The following GNAQ variants were observed in gnomAD, a reference collection of about 807,000 sequenced individuals.
GNAQ encodes the protein G protein subunit alpha q.
GNAQ carries 8 observed loss-of-function variants against 43.9 expected under a neutral mutation model. The ratio of observed to expected loss-of-function variants is 0.18; its 90% CI spans 0.11 to 0.33. The LOEUF (loss-of-function observed/expected upper bound fraction) is 0.33, where lower values mean the gene tolerates loss of function less well. Ranked by LOEUF, GNAQ falls within the 10% of genes least tolerant of loss-of-function variation. The pLI is 1.00. For missense variants in GNAQ, 158 were observed against 450.8 expected (o/e 0.35, Z 5.88); for synonymous variants, 155 against 170.7 (o/e 0.91, Z 0.71).
intron 2 of GNAQ, among the ~76,000 whole-genome samples, chr9:77,894,623 A>G (rs1274887814): frequency 6.6e-6 from 1 of 150,678 alleles, no homozygotes; most frequent in Non-Finnish European, 1.5e-5. Flanking sequence ...AGGTTTCACC[A>G]TGTTGACCAG....
intron 5 of GNAQ, among the ~76,000 whole-genome samples, chr9:77,779,662 G>A (rs1358616124): frequency 3.8e-5 from 4 of 104,994 alleles, no homozygotes; most frequent in Non-Finnish European, 5.7e-5. Flanking sequence ...CTTTAGCCAG[G>A]TTAACTAAAA....
intron 1 of GNAQ, among the ~76,000 whole-genome samples, chr9:77,993,469 C>G (rs1343922199): frequency 6.6e-6 from 1 of 151,962 alleles, no homozygotes; most frequent in Non-Finnish European, 1.5e-5. Flanking sequence ...GAGGCTGAGG[C>G]GGGCAGATCA....
At chr9:77,871,765 ATTG>A (rs1828041994) in intron 2 of GNAQ, among the ~76,000 whole-genome samples, 2 of 152,178 alleles carry the variant, frequency 1.3e-5, no homozygotes, top group African/African-American at 4.8e-5. Context: ...CTATAATAGA[ATTG>A]CAGAATTTTA....
intron 2 of GNAQ, among the ~76,000 whole-genome samples, chr9:77,833,919 G>C (rs1051485397): frequency 6.6e-6 from 1 of 152,126 alleles, no homozygotes; most frequent in African/African-American, 2.4e-5. Flanking sequence ...GGCAAAGACA[G>C]TTTCCAAAAT....
At chr9:78,023,866 A>G (rs1256980047) in intron 1 of GNAQ, among the ~76,000 whole-genome samples, 2 of 141,416 alleles carry the variant, frequency 1.4e-5, no homozygotes, top group Non-Finnish European at 3.2e-5. Flanking sequence ...ACAGAGCCAA[A>G]AAGTCTGGCT....
intron 1 of GNAQ, among the ~76,000 whole-genome samples, chr9:77,924,867 C>T (rs1161944602): frequency 6.6e-6 from 1 of 152,034 alleles, no homozygotes; most frequent in Non-Finnish European, 1.5e-5. Flanking sequence ...TTGCTGGGTA[C>T]CCCCAGGAGG....
rs540008748 is a variant in GNAQ at position 78,015,818 on chromosome 9, G to A, written c.136+15282C>T. Among the ~76,000 whole-genome samples, 21 of 152,108 alleles carry A rather than the reference G, an allele frequency of 1.4e-4. No homozygotes were observed. In the South Asian group the frequency reaches 4.4e-3, roughly 32 times the overall value. On this transcript the variant is annotated intron_variant, in intron 1 of 6. Transcript: ENST00000286548. Reference sequence around the variant, plus strand: ...AGAATATCTGTAAAAGGATAAGAATGCTACATAGGGACATGTAATAAAATG... The same window carrying A: ...AGAATATCTGTAAAAGGATAAGAATACTACATAGGGACATGTAATAAAATG...
chr9:78,006,994 G>C (rs999418056), intron 1 of GNAQ, among the ~76,000 whole-genome samples: 2 of 152,134 alleles, frequency 1.3e-5, no homozygotes. Flanking sequence ...CTTCACCAGA[G>C]TACTTAGCCA....
chr9:77,995,969 A>G (rs540714438), intron 1 of GNAQ, among the ~76,000 whole-genome samples: 25 of 152,336 alleles, frequency 1.6e-4, no homozygotes, highest in African/African-American at 5.3e-4. Flanking sequence ...CATACATTCT[A>G]TTTGCACACA....
At chr9:77,997,244 T>A (rs11145647) in intron 1 of GNAQ, among the ~76,000 whole-genome samples, 1 of 152,206 alleles carries the variant, frequency 6.6e-6, no homozygotes, top group Non-Finnish European at 1.5e-5. Context: ...GTAACTTCTA[T>A]GAGTATTCTC....
rs558422625 is a variant in GNAQ at position 77,996,521 on chromosome 9, T to C, written c.136+34579A>G. ...GGTGAAACCCTATCCCTACAAAAAATACAGAAGTTAGCCAGGCATGGTGGC... is the reference window on the plus strand; with the variant it reads ...GGTGAAACCCTATCCCTACAAAAAACACAGAAGTTAGCCAGGCATGGTGGC... On this transcript the variant is annotated intron_variant, in intron 1 of 6. Transcript: ENST00000286548. Among the ~76,000 whole-genome samples the C allele has an allele frequency of 6.6e-5, 10 of 151,652 alleles. No homozygotes were observed. In the South Asian group the frequency reaches 1.7e-3, roughly 25 times the overall value.
At chr9:77,801,614 T>A (rs990273981) in intron 3 of GNAQ, among the ~76,000 whole-genome samples, 1 of 152,160 alleles carries the variant, frequency 6.6e-6, no homozygotes, top group African/African-American at 2.4e-5. Flanking sequence ...TCACTTTGCT[T>A]GGGGTGAAAG....
intron 1 of GNAQ, among the ~76,000 whole-genome samples, chr9:77,930,375 G>GT (rs1011494845): frequency 6.6e-6 from 1 of 151,802 alleles, no homozygotes; most frequent in Non-Finnish European, 1.5e-5. Flanking sequence ...TTTCCTACTC[G>GT]TTTTTTAAAA....
intron 2 of GNAQ, among the ~76,000 whole-genome samples, chr9:77,826,254 A>G (rs1827195069): frequency 6.6e-6 from 1 of 152,084 alleles, no homozygotes; most frequent in Non-Finnish European, 1.5e-5. Flanking sequence ...TACCTGCCTG[A>G]CCCTGAAATA....
At position 77,966,164 on chromosome 9, in the gene GNAQ, G is replaced by C. The variant is rs184386177; in HGVS notation, c.137-43819C>G. ...CAGGAATCAGATCAGTGTTTGGAGG[G>C]GGAGATAGGTGGGAGGGAGGATAAA... is the stretch of plus-strand genomic sequence containing the variant. On this transcript the variant is annotated intron_variant, in intron 1 of 6. Coordinates refer to ENST00000286548, the MANE Select transcript of GNAQ (RefSeq NM_002072.5). Among the ~76,000 whole-genome samples the C allele has an allele frequency of 1.1e-3, 162 of 152,186 alleles. 2 individuals carry two copies. Among genetic ancestry groups the C allele is most frequent in the Admixed American group, 9.6e-3 (146 of 15,282 alleles).
chr9:77,817,135 G>C (rs780116163), intron 2 of GNAQ, among the ~76,000 whole-genome samples: 1 of 152,140 alleles, frequency 6.6e-6, no homozygotes, highest in African/African-American at 2.4e-5. Context: ...CTGGAGTCCT[G>C]TTCCTGAATC....
chr9:77,893,674 G>T (rs1354334825), intron 2 of GNAQ, among the ~76,000 whole-genome samples: 5 of 152,082 alleles, frequency 3.3e-5, no homozygotes, highest in African/African-American at 1.2e-4. Flanking sequence ...CGTCTGGATG[G>T]GGATCCCTTT....
chr9:77,807,300 T>C (rs1490444386), intron 3 of GNAQ, among the ~76,000 whole-genome samples: 2 of 152,202 alleles, frequency 1.3e-5, no homozygotes, highest in Non-Finnish European at 2.9e-5. Flanking sequence ...GGTTGTCTTA[T>C]AATCATGTGC....
chr9:77,761,380 G>A (rs1826016510), intron 5 of GNAQ, among the ~76,000 whole-genome samples: 1 of 134,246 alleles, frequency 7.4e-6, no homozygotes, highest in Non-Finnish European at 1.6e-5. Flanking sequence ...GGGCGCCTCT[G>A]CCCGGCCGCC....
Sources: gnomAD v4.1 joint callset for allele counts (sites outside exome capture counted in the v4.1 genomes callset) on GRCh38, gnomAD v4.1.1 for gene constraint, MANE v1.5 for transcripts, NCBI Gene and HGNC (gene_info 2026-07-23, HGNC 2026-07-21) for gene names.